The following SS18 variants were observed in gnomAD, a reference collection of about 807,000 sequenced individuals.
SS18 encodes the protein SS18 subunit of BAF chromatin remodeling complex, also known as protein SSXT.
In SS18, 28 loss-of-function variants were observed where a neutral mutation model predicts 72.5. That is an observed-to-expected ratio of 0.39 (90% CI 0.29 to 0.53). The LOEUF (loss-of-function observed/expected upper bound fraction) is 0.53, where lower values mean the gene tolerates loss of function less well. SS18 is among the 20% of genes least tolerant of loss of function. SS18 has a pLI of 0.76. For missense variants in SS18, 518 were observed against 535.3 expected (o/e 0.97, Z 0.32); for synonymous variants, 172 against 164.2 (o/e 1.05, Z -0.37).
intron 4 of SS18, among the ~76,000 whole-genome samples, chr18:26,054,779 T>C (rs1348478183): frequency 3.3e-5 from 5 of 151,952 alleles, no homozygotes; most frequent in Non-Finnish European, 7.4e-5. Flanking sequence ...TCATTCTTGT[T>C]GCCCAGGCTA....
At chr18:26,039,764 C>T (rs748298123) in intron 5 of SS18, among the ~76,000 whole-genome samples, 43 of 152,096 alleles carry the variant, frequency 2.8e-4, no homozygotes, top group Non-Finnish European at 4.6e-4. Flanking sequence ...TTCCATTACA[C>T]ACTATCTAAT....
At chr18:26,037,063 GA>G (rs2053638278) in intron 7 of SS18, among the ~76,000 whole-genome samples, 2 of 151,624 alleles carry the variant, frequency 1.3e-5, no homozygotes, top group Admixed American at 1.3e-4. Flanking sequence ...GGACATGAGA[GA>G]AAAGAGCCAA....
At chr18:26,078,662 G>C (rs1221717242) in intron 2 of SS18, among the ~76,000 whole-genome samples, 1 of 152,170 alleles carries the variant, frequency 6.6e-6, no homozygotes, top group Non-Finnish European at 1.5e-5. Flanking sequence ...AAGGTGGGCA[G>C]ATCACTTGAG....
intron 5 of SS18, among the ~76,000 whole-genome samples, chr18:26,044,467 T>G (rs778436343): frequency 2.9e-4 from 44 of 151,112 alleles, no homozygotes; most frequent in Non-Finnish European, 5.6e-4. Flanking sequence ...GAGACTGCAG[T>G]TGCACACCAC....
chr18:26,056,468 T>C (rs1019329429), intron 4 of SS18, among the ~76,000 whole-genome samples: 6 of 152,168 alleles, frequency 3.9e-5, no homozygotes, highest in African/African-American at 1.4e-4. Flanking sequence ...ATGTGTGCCA[T>C]ATATGTTGCA....
intron 5 of SS18, among the ~76,000 whole-genome samples, chr18:26,041,151 G>T (rs896669351): frequency 2.0e-5 from 3 of 152,186 alleles, no homozygotes; most frequent in Non-Finnish European, 4.4e-5. Context: ...AGCCAGGAGT[G>T]GTGGCTCACA....
rs144474109 is a variant in SS18, at chr18:26,069,089, A to G, written c.231+8987T>C. On this transcript the variant is annotated intron_variant, in intron 3 of 10. Transcript: ENST00000415083. ...ACACTCTCTTCTACACTTTATATCTACTCAGTAACTGAATCCTGTTAGTTC... is the reference window on the plus strand; with the variant it reads ...ACACTCTCTTCTACACTTTATATCTGCTCAGTAACTGAATCCTGTTAGTTC... Among the ~76,000 whole-genome samples the G allele has an allele frequency of 2.1e-3, 324 of 152,204 alleles. 1 individual carries two copies. The highest frequency in any genetic ancestry group is 0.013 in the East Asian group (68 of 5,182).
Position 26,039,377 on chromosome 18 carries a change from CTGCTGTCCTTGGTAA to C in SS18, c.672_686del (p.His224_Gln228del), listed in dbSNP as rs2053684317. 2 of 1,613,902 alleles carry C rather than the reference CTGCTGTCCTTGGTAA, an allele frequency of 1.2e-6. No individual in the cohort carries two copies. The highest frequency in any genetic ancestry group is 1.3e-5 in the African/African-American group (1 of 74,998). On this transcript the variant is annotated inframe_deletion, in exon 6 of 11. Transcript: ENST00000415083. ...CTTGACCCATCATTCCCATAGGTGG[CTGCTGTCCTTGGTAA>C]TGCTGTCCGCCTCCCTGTGGCATAT... is the stretch of plus-strand genomic sequence containing the variant.
intron 3 of SS18, among the ~76,000 whole-genome samples, chr18:26,074,920 G>A (rs2054384154): frequency 6.6e-6 from 1 of 151,798 alleles, no homozygotes. Context: ...TATCACTACA[G>A]ACAGTGTTGA....
intron 10 of SS18, among the ~76,000 whole-genome samples, chr18:26,019,403 T>C (rs1343390595): frequency 6.6e-6 from 1 of 152,128 alleles, no homozygotes; most frequent in Non-Finnish European, 1.5e-5. Context: ...TTGAAATACT[T>C]CTCTACCATA....
At chr18:26,057,023 T>G (rs916497966) in intron 4 of SS18, among the ~76,000 whole-genome samples, 4 of 152,220 alleles carry the variant, frequency 2.6e-5, no homozygotes, top group African/African-American at 9.6e-5. Context: ...AAGTTTACAT[T>G]ATTTTTCAGC....
rs746268799 is a variant in SS18 at position 26,018,317 on chromosome 18, G to A, written c.*37C>T. 4 of 1,575,232 alleles carry A rather than the reference G, an allele frequency of 2.5e-6. No individual in the cohort carries two copies. Among genetic ancestry groups the A allele is most frequent in the Non-Finnish European group, 3.5e-6 (4 of 1,145,618 alleles). On this transcript the variant is annotated 3_prime_UTR_variant, in exon 11 of 11. Coordinates refer to ENST00000415083, the MANE Select transcript of SS18 (RefSeq NM_001007559.3). ...ACAGTGCTGAGGTGACAATATGGCT[G>A]CTAATAGATACTGGCTACTGGAATG...
intron 2 of SS18, among the ~76,000 whole-genome samples, chr18:26,086,195 T>C (rs772683372): frequency 3.9e-5 from 6 of 152,216 alleles, no homozygotes; most frequent in Non-Finnish European, 8.8e-5. Context: ...GTAGGTGATA[T>C]GCAAATCCTA....
Position 26,035,969 on chromosome 18 carries a change from G to A in SS18, c.881-46C>T. ...ACAGGAAGAAACGTTAATGGCCACT[G>A]AGTGAAAACCCTAAAAATATTTAAA... On this transcript the variant is annotated intron_variant, in intron 7 of 10. Transcript: ENST00000415083. This position sits in a 1 kb window ranked among gnomAD's most constrained non-coding sequence, Gnocchi z 4.4. 8.6e-7 allele frequency: 1 copy of A among 1,158,850 alleles called. No individual in the cohort carries two copies. Among genetic ancestry groups the A allele is most frequent in the Non-Finnish European group, 1.3e-6 (1 of 792,726 alleles). The allele number at this position is 1,158,850 out of a possible 1,614,324, so 71.8% of individuals were successfully genotyped here.
intron 4 of SS18, among the ~76,000 whole-genome samples, chr18:26,056,804 G>A (rs1030707870): frequency 3.3e-5 from 5 of 152,114 alleles, no homozygotes; most frequent in Non-Finnish European, 7.4e-5. Context: ...ACCTAATGTA[G>A]ATAATATTCT....
intron 5 of SS18, among the ~76,000 whole-genome samples, chr18:26,044,865 C>G (rs750539602): frequency 1.3e-5 from 2 of 152,066 alleles, no homozygotes; most frequent in Non-Finnish European, 2.9e-5. Flanking sequence ...AATAAAAACT[C>G]TGAACACTAA....
At chr18:26,030,738 A>G (rs542413506) in intron 10 of SS18, among the ~76,000 whole-genome samples, 1 of 152,286 alleles carries the variant, frequency 6.6e-6, no homozygotes, top group East Asian at 1.9e-4. Flanking sequence ...AACTGGGTTG[A>G]GAAGTAAGAG....
intron 4 of SS18, among the ~76,000 whole-genome samples, chr18:26,053,511 T>C (rs975001103): frequency 6.6e-6 from 1 of 151,366 alleles, no homozygotes; most frequent in Non-Finnish European, 1.5e-5. Context: ...TTGCACGACA[T>C]AAAAAACTCA....
rs2053253238 is a variant in SS18, at chr18:26,016,397, A to G, written c.*1957T>C. The G allele has an allele frequency of 5.5e-6, 1 of 182,994 alleles. No individual in the cohort carries two copies. Among genetic ancestry groups the G allele is most frequent in the East Asian group, 9.0e-5 (1 of 11,164 alleles). 11.3% of individuals were successfully genotyped at this position (182,994 alleles called of 1,614,324 possible). A position where few individuals can be genotyped will look rare whatever the true frequency, so the allele number is the denominator to read the frequency against. ...TCCATGATTTATCTGTTCAAACTTG[A>G]TGTCCATTTTCTACTGATCAAGTTG... On this transcript the variant is annotated 3_prime_UTR_variant, in exon 11 of 11. Coordinates refer to ENST00000415083, the MANE Select transcript of SS18 (RefSeq NM_001007559.3).
Sources: allele counts gnomAD v4.1 joint callset (sites outside exome capture counted in the v4.1 genomes callset), GRCh38; gene constraint gnomAD v4.1.1; non-coding constraint Gnocchi (gnomAD v3.1); transcripts MANE v1.5; gene names NCBI Gene and HGNC (gene_info 2026-07-23, HGNC 2026-07-21).